Variants in SPMIP2 observed in about 807,000 individuals in gnomAD.
SPMIP2 encodes protein SPMIP2.
chr4:158,959,380 G>A, the SPMIP2 span, among the ~76,000 whole-genome samples: 2 of 152,122 alleles, frequency 1.3e-5, no homozygotes, highest in Admixed American at 6.5e-5. Flanking sequence ...AAGTATATCT[G>A]TTTCTTTGTG....
the SPMIP2 span, among the ~76,000 whole-genome samples, chr4:159,062,239 C>T: frequency 6.6e-6 from 1 of 152,172 alleles, no homozygotes; most frequent in African/African-American, 2.4e-5. Flanking sequence ...TTGATTGTTC[C>T]CTGGCAGGCT....
the SPMIP2 span, among the ~76,000 whole-genome samples, chr4:159,024,652 T>C: frequency 6.6e-6 from 1 of 152,198 alleles, no homozygotes; most frequent in African/African-American, 2.4e-5. Flanking sequence ...CTGAATGACA[T>C]AGAGTTTTCA....
chr4:159,016,322 C>T, the SPMIP2 span, among the ~76,000 whole-genome samples: 2 of 152,180 alleles, frequency 1.3e-5, no homozygotes, highest in South Asian at 4.1e-4. Flanking sequence ...TTTCTCCTGA[C>T]AATAGATGAA....
At chr4:159,032,877 C>T in the SPMIP2 span, among the ~76,000 whole-genome samples, 2 of 150,368 alleles carry the variant, frequency 1.3e-5, no homozygotes, top group East Asian at 1.9e-4. Flanking sequence ...TGCTGATGGA[C>T]ATGCAAAATA....
the SPMIP2 span, among the ~76,000 whole-genome samples, chr4:158,992,202 T>C: frequency 6.6e-6 from 1 of 152,242 alleles, no homozygotes; most frequent in Non-Finnish European, 1.5e-5. Context: ...ACCAGTGTTT[T>C]CCCAAATACT....
At chr4:158,910,697 CT>C in the SPMIP2 span, among the ~76,000 whole-genome samples, 1 of 152,200 alleles carries the variant, frequency 6.6e-6, no homozygotes, top group Non-Finnish European at 1.5e-5. Context: ...AAGAGAAAGA[CT>C]GAAGATCCCC....
chr4:158,940,343 T>A, the SPMIP2 span, among the ~76,000 whole-genome samples: 1 of 152,184 alleles, frequency 6.6e-6, no homozygotes, highest in Admixed American at 6.5e-5. Context: ...TCTGAGGTAG[T>A]GGGAGTTCGA....
At chr4:158,906,219 CAGAG>C in the SPMIP2 span, 3 of 152,182 alleles carry the variant, frequency 2.0e-5, no homozygotes, top group Non-Finnish European at 4.4e-5. Flanking sequence ...TGTTGTGTTA[CAGAG>C]AGAGAAGGAA....
the SPMIP2 span, among the ~76,000 whole-genome samples, chr4:158,909,963 AC>A: frequency 6.6e-6 from 1 of 152,062 alleles, no homozygotes; most frequent in Non-Finnish European, 1.5e-5. Flanking sequence ...AATTGTTTGA[AC>A]CTGGGAGGCA....
the SPMIP2 span, chr4:158,915,249 A>G: frequency 1.4e-5 from 23 of 1,613,680 alleles, no homozygotes; most frequent in Non-Finnish European, 1.9e-5. Context: ...CCTAACAAGA[A>G]TAGCCCATTT....
At chr4:159,082,777 CTA>C in the SPMIP2 span, among the ~76,000 whole-genome samples, 2 of 152,068 alleles carry the variant, frequency 1.3e-5, no homozygotes, top group Non-Finnish European at 2.9e-5. Flanking sequence ...TACCTATTTC[CTA>C]TGTTTGAAAT....
At chr4:158,957,583 C>T in the SPMIP2 span, among the ~76,000 whole-genome samples, 7 of 152,156 alleles carry the variant, frequency 4.6e-5, no homozygotes, top group South Asian at 2.1e-4. Context: ...CCCACTACTA[C>T]GCCTGGCTAG....
chr4:158,950,523 G>GAAAGCA, the SPMIP2 span, among the ~76,000 whole-genome samples: 3 of 152,200 alleles, frequency 2.0e-5, no homozygotes, highest in Non-Finnish European at 4.4e-5. Context: ...AAGGGAAAGG[G>GAAAGCA]AAAGCAAAAG....
chr4:158,956,753 T>C, the SPMIP2 span, among the ~76,000 whole-genome samples: 2 of 152,124 alleles, frequency 1.3e-5, no homozygotes, highest in Admixed American at 1.3e-4. Flanking sequence ...ATAACAAATA[T>C]GGTCTCTTCT....
At chr4:158,955,865 G>A in the SPMIP2 span, among the ~76,000 whole-genome samples, 5 of 152,304 alleles carry the variant, frequency 3.3e-5, no homozygotes, top group East Asian at 1.9e-4. Flanking sequence ...GAAGAAGTCC[G>A]GTAATTGTGC....
the SPMIP2 span, among the ~76,000 whole-genome samples, chr4:159,012,081 C>T: frequency 6.6e-6 from 1 of 150,552 alleles, no homozygotes; most frequent in Non-Finnish European, 1.5e-5. Flanking sequence ...AATTATTCCT[C>T]AAATGGCTTC....
chr4:158,964,750 A>AG, the SPMIP2 span, among the ~76,000 whole-genome samples: 18 of 152,236 alleles, frequency 1.2e-4, no homozygotes. Flanking sequence ...ATTGACTCAC[A>AG]GTTCCACATG....
chr4:158,904,637 G>A, the SPMIP2 span: 25 of 1,116,844 alleles, frequency 2.2e-5, no homozygotes, highest in Middle Eastern at 4.0e-4. Flanking sequence ...TCAAAAGCAT[G>A]AGAAGAGCAA....
At chr4:158,996,371 G>A in the SPMIP2 span, among the ~76,000 whole-genome samples, 44,074 of 151,884 alleles carry the variant, frequency 0.29, 6,496 homozygotes, top group African/African-American at 0.33. Context: ...CTTTATTTTG[G>A]CTTGCAATTT....
Sources: allele counts gnomAD v4.1 joint callset (sites outside exome capture counted in the v4.1 genomes callset), GRCh38; gene constraint gnomAD v4.1.1; transcripts MANE v1.5; gene names NCBI Gene and HGNC (gene_info 2026-07-23, HGNC 2026-07-21).